KASH5: variants seen among roughly 807,000 people sequenced by gnomAD.
KASH5 encodes the protein protein KASH5.
A neutral mutation model predicts 84.2 loss-of-function variants in KASH5; 72 were observed. That is an observed-to-expected ratio of 0.85 (90% CI 0.71 to 1.04). The LOEUF (loss-of-function observed/expected upper bound fraction) is 1.04, where lower values mean the gene tolerates loss of function less well. KASH5 is among the 50% of genes least tolerant of loss of function. KASH5 has a pLI of 0.00. For synonymous variants in KASH5, 260 were observed against 279.1 expected, an observed-to-expected ratio of 0.93 and a Z score of 0.68; for missense variants, 650 against 701.0, an observed-to-expected ratio of 0.93 and a Z score of 0.82.
rs1974655411 is a variant in KASH5, at chr19:49,409,837, G to A, written c.1231G>A (p.Glu411Lys). Residue 411 changes from glutamate (E) to lysine (K), a missense_variant, in exon 15 of 20, where the codon GAA becomes AAA. Coordinates refer to ENST00000447857, the MANE Select transcript of KASH5 (RefSeq NM_144688.5). ...WEEVIHETSE[E>K]TEFPSEAPAG... is the part of the protein sequence containing the mutation. ...GGAAGTCATCCATGAGACCAGTGAG[G>A]AAACTGAGTTTCCATCTGAAGCCCC... is the stretch of plus-strand genomic sequence containing the variant. 3 of 1,613,882 alleles carry A rather than the reference G, an allele frequency of 1.9e-6. No individual in the cohort carries two copies. Among genetic ancestry groups the A allele is most frequent in the Non-Finnish European group, 1.7e-6 (2 of 1,179,870 alleles).
Position 49,399,059 on chromosome 19 carries a change from G to A in KASH5, c.664G>A (p.Asp222Asn), listed in dbSNP as rs1366509623. 1 of 1,551,716 alleles carries A rather than the reference G, an allele frequency of 6.4e-7. No homozygotes were observed. The highest frequency in any genetic ancestry group is 2.0e-5 in the Admixed American group (1 of 50,986). Residue 222 changes from aspartate to asparagine, a missense_variant, in exon 8 of 20, where the codon GAT becomes AAT. By Grantham distance (23) the Asp-to-Asn change is conservative. Transcript: ENST00000447857. This position sits in a 1 kb window ranked among gnomAD's most constrained non-coding sequence, Gnocchi z 4.4. ...GGCCCTGCAGTTTGCCAAGGCCATG[G>A]ATGAGGAGCTGGAGGACCTGAAGAC... Reference protein sequence around the residue: ...QQALQFAKAMDEELEDLKTLA... With the variant: ...QQALQFAKAMNEELEDLKTLA...
intron 2 of KASH5, among the ~76,000 whole-genome samples, chr19:49,392,916 A>C (rs1490787045): frequency 3.3e-5 from 5 of 152,064 alleles, no homozygotes; most frequent in African/African-American, 9.6e-5. Flanking sequence ...CATCTCAAAA[A>C]AAAAAAAAAC....
chr19:49,409,390 C>A, intron 14 of KASH5, 107 bp downstream of exon 14: 3 of 1,190,798 alleles, frequency 2.5e-6, no homozygotes, highest in East Asian at 2.5e-5. Context: ...ACATTGCTGC[C>A]AGAGGCTCCT....
At chr19:49,389,355 A>G (rs1488687471) in intron 1 of KASH5, among the ~76,000 whole-genome samples, 1 of 149,480 alleles carries the variant, frequency 6.7e-6, no homozygotes, top group East Asian at 2.0e-4. Context: ...CCCCCCCAAA[A>G]TCCTGTCAGA....
At chr19:49,411,922 A>G (rs13346548) in intron 15 of KASH5, among the ~76,000 whole-genome samples, 3 of 9,688 alleles carry the variant, frequency 3.1e-4, no homozygotes, top group African/African-American at 9.3e-4. Flanking sequence ...GAAGGAGGGA[A>G]GGAAGGAAGG....
At chr19:49,402,585 T>C (rs149351963) in intron 9 of KASH5, among the ~76,000 whole-genome samples, 30,819 of 151,816 alleles carry the variant, frequency 0.2, 3,481 homozygotes, top group Non-Finnish European at 0.25. Flanking sequence ...CAGGCGTCTG[T>C]AATCCCAGCT....
At position 49,417,349 on chromosome 19, in the gene KASH5, C is replaced by T; in HGVS notation, c.1548-20C>T. The T allele has an allele frequency of 6.4e-7, 1 of 1,553,106 alleles. No homozygotes were observed. The highest frequency in any genetic ancestry group is 8.7e-7 in the Non-Finnish European group (1 of 1,147,250). ...GGCTGCCCAGACCCTGCCCTAAATG[C>T]TCTCCCACCTCCCCACCAGAGTCAC... On this transcript the variant is annotated intron_variant, in intron 19 of 19. Transcript: ENST00000447857. This position sits in a 1 kb window ranked among gnomAD's most constrained non-coding sequence, Gnocchi z 5.2.
intron 17 of KASH5, chr19:49,415,384 T>G: frequency 3.0e-6 from 1 of 328,530 alleles, no homozygotes; most frequent in Non-Finnish European, 5.8e-6. Context: ...GGGGGCGTAG[T>G]GCCCGCAGCC....
intron 9 of KASH5, among the ~76,000 whole-genome samples, chr19:49,400,387 CAG>C (rs1373619330): frequency 1.9e-5 from 2 of 105,680 alleles, no homozygotes; most frequent in Non-Finnish European, 3.6e-5. Flanking sequence ...TTTTTTGAGA[CAG>C]AGTTTCATTC....
intron 9 of KASH5, among the ~76,000 whole-genome samples, chr19:49,400,327 C>A (rs75311125): frequency 6.7e-6 from 1 of 148,984 alleles, no homozygotes. Flanking sequence ...TGTGACTTCT[C>A]CTTCTCAAGC....
intron 2 of KASH5, chr19:49,391,756 A>C (rs1400069223): frequency 6.6e-6 from 1 of 152,106 alleles, no homozygotes; most frequent in Non-Finnish European, 1.5e-5. Flanking sequence ...GTGGGAGCTC[A>C]CTTACTGTTG....
At position 49,415,084 on chromosome 19, in the gene KASH5, C is replaced by T; in HGVS notation, c.1374+88C>T. 5 of 1,269,352 alleles carry T rather than the reference C, an allele frequency of 3.9e-6. No homozygotes were observed. In the Admixed American group the frequency reaches 9.8e-5, roughly 25 times the overall value. The allele number at this position is 1,269,352 out of a possible 1,614,324, so 78.6% of individuals were successfully genotyped here. ...GTTTCAACTCTTCCCAAGCCCCAGC[C>T]TCACACTCCAACTCCTCAGGAGCAG... On this transcript the variant is annotated intron_variant, in intron 17 of 19. Transcript: ENST00000447857.
chr19:49,415,474 A>G, intron 17 of KASH5: 2 of 216,186 alleles, frequency 9.3e-6, no homozygotes, highest in South Asian at 6.8e-5. Context: ...TTCCATTCTC[A>G]GGCAAGGACG....
intron 9 of KASH5, among the ~76,000 whole-genome samples, chr19:49,405,977 A>T (rs1257848312): frequency 6.6e-6 from 1 of 150,874 alleles, no homozygotes; most frequent in Non-Finnish European, 1.5e-5. Flanking sequence ...AAAAAAAAAA[A>T]ATTAGCTGGG....
At position 49,414,108 on chromosome 19, in the gene KASH5, C is replaced by G. The variant is rs949431803; in HGVS notation, c.1329-843C>G. 3.6e-4 allele frequency among the ~76,000 whole-genome samples: 54 copies of G among 151,996 alleles called. No homozygotes were observed. The highest frequency in any genetic ancestry group is 2.2e-3 in the Admixed American group (34 of 15,268). ...AGCAGCATTTCAGGGACTCAGATGG[C>G]TGTGACCCTAGGAGGGGCCTCCCTA... On this transcript the variant is annotated intron_variant, in intron 16 of 19. Coordinates refer to ENST00000447857, the MANE Select transcript of KASH5 (RefSeq NM_144688.5). The surrounding 1 kb of genome is among the most constrained non-coding windows in gnomAD (Gnocchi z 4.5).
rs1472125828 is a variant in KASH5 at position 49,409,964 on chromosome 19, T to G, written c.1269+89T>G. ...CCTGGCCAGCCCATTCACTCACACT[T>G]TTGCTTGTTCCCCATTTGATGAGAA... On this transcript the variant is annotated intron_variant, in intron 15 of 19. Coordinates refer to ENST00000447857, the MANE Select transcript of KASH5 (RefSeq NM_144688.5). 4.6e-6 allele frequency: 7 copies of G among 1,511,364 alleles called. No homozygotes were observed. The East Asian group carries it at 1.4e-4, about 30-fold the overall frequency. The allele number at this position is 1,511,364 out of a possible 1,614,324, so 93.6% of individuals were successfully genotyped here. A position where few individuals can be genotyped will look rare whatever the true frequency, so the allele number is the denominator to read the frequency against.
chr19:49,407,464 C>A, intron 11 of KASH5, 148 bp from the exon 12 acceptor site: 1 of 1,064,582 alleles, frequency 9.4e-7, no homozygotes, highest in Non-Finnish European at 1.4e-6. Context: ...GATCTAGAAG[C>A]CCTTCTGCCC....
chr19:49,409,715 A>G, intron 14 of KASH5, 38 bp from the exon 15 acceptor site: 3 of 1,612,866 alleles, frequency 1.9e-6, no homozygotes, highest in South Asian at 1.1e-5. Context: ...CTACCTTAAT[A>G]TGGCTCTCCC....
At chr19:49,409,941 T>G (rs1397457319) in intron 15 of KASH5, 66 bp downstream of exon 15, 1 of 1,573,736 alleles carries the variant, frequency 6.4e-7, no homozygotes, top group Non-Finnish European at 8.6e-7. Flanking sequence ...GGTGCCGCCC[T>G]GGCCAGCCCA....
Sources: gnomAD v4.1 joint callset for allele counts (sites outside exome capture counted in the v4.1 genomes callset) on GRCh38, gnomAD v4.1.1 for gene constraint, Gnocchi (gnomAD v3.1) non-coding constraint, MANE v1.5 for transcripts, NCBI Gene and HGNC (gene_info 2026-07-23, HGNC 2026-07-21) for gene names.